The following UGT2B10 variants were observed in gnomAD, a reference collection of about 807,000 sequenced individuals.
UGT2B10 encodes UDP glucuronosyltransferase family 2 member B10, also known as UDP-glucuronosyltransferase 2B10.
In UGT2B10, 51 loss-of-function variants were observed where a neutral mutation model predicts 43.7. The ratio of observed to expected loss-of-function variants is 1.17; its 90% confidence interval spans 0.93 to 1.47. The LOEUF is 1.47. Ranked by LOEUF, UGT2B10 falls within the 40% of genes most tolerant of loss-of-function variation. The pLI, the probability that UGT2B10 is intolerant of heterozygous loss-of-function variation, is 0.00. For missense variants in UGT2B10, 696 were observed against 617.7 expected (o/e 1.13, Z -1.34); for synonymous variants, 225 against 209.0 (o/e 1.08, Z -0.66).
rs1738034121 is a variant in UGT2B10 at position 68,830,537 on chromosome 4, A to T, written c.1308-63A>T. On this transcript the variant is annotated intron_variant, in intron 5 of 5. Coordinates refer to ENST00000265403, the MANE Select transcript of UGT2B10 (RefSeq NM_001075.6). Reference sequence around the variant, plus strand: ...TTGACACTTTAAAAGCCTTTCATAGACTTGATATCTACAGGCAAATTAACT... The same window carrying T: ...TTGACACTTTAAAAGCCTTTCATAGTCTTGATATCTACAGGCAAATTAACT... The T allele has an allele frequency of 7.2e-6, 11 of 1,522,228 alleles. No homozygotes were observed. In the African/African-American group the frequency reaches 1.3e-4, roughly 17 times the overall value. 94.3% of individuals were successfully genotyped at this position (1,522,228 alleles called of 1,614,324 possible). A position where few individuals can be genotyped will look rare whatever the true frequency, so the allele number is the denominator to read the frequency against.
chr4:68,824,914 G>A (rs1026598449), intron 3 of UGT2B10, among the ~76,000 whole-genome samples: 14 of 151,952 alleles, frequency 9.2e-5, no homozygotes, highest in Non-Finnish European at 1.8e-4. Context: ...TCCAAAATTA[G>A]CAATACTGGT....
intron 3 of UGT2B10, among the ~76,000 whole-genome samples, chr4:68,823,940 A>T (rs570389787): frequency 5.9e-5 from 9 of 152,274 alleles, no homozygotes; most frequent in Admixed American, 2.6e-4. Context: ...GTTATCACCA[A>T]ATTCTGCCCC....
chr4:68,820,000 T>C (rs1036469274), intron 2 of UGT2B10, among the ~76,000 whole-genome samples: 6 of 152,020 alleles, frequency 3.9e-5, no homozygotes, highest in African/African-American at 1.4e-4. Flanking sequence ...ATAGGCTTTA[T>C]AGAGTCAGTT....
intron 2 of UGT2B10, among the ~76,000 whole-genome samples, chr4:68,821,288 A>C (rs1737480913): frequency 6.6e-6 from 1 of 152,152 alleles, no homozygotes; most frequent in Non-Finnish European, 1.5e-5. Flanking sequence ...ATTCTCAATC[A>C]ATTGCAGCCA....
chr4:68,828,574 T>G (rs1737920148), intron 5 of UGT2B10, among the ~76,000 whole-genome samples: 1 of 151,972 alleles, frequency 6.6e-6, no homozygotes. Flanking sequence ...TAAATGTGAT[T>G]ATACAAATAC....
chr4:68,824,243 T>A (rs528607935), intron 3 of UGT2B10, among the ~76,000 whole-genome samples: 32 of 152,274 alleles, frequency 2.1e-4, no homozygotes, highest in African/African-American at 7.2e-4. Context: ...CAGGTAGATT[T>A]AGAGAAAGAG....
At chr4:68,821,066 G>A (rs1737469143) in intron 2 of UGT2B10, among the ~76,000 whole-genome samples, 1 of 152,110 alleles carries the variant, frequency 6.6e-6, no homozygotes, top group Non-Finnish European at 1.5e-5. Context: ...CAAGTATTAT[G>A]TGGAATAGTA....
At chr4:68,829,946 C>A (rs1351268807) in intron 5 of UGT2B10, among the ~76,000 whole-genome samples, 1 of 151,976 alleles carries the variant, frequency 6.6e-6, no homozygotes, top group African/African-American at 2.4e-5. Flanking sequence ...AGTTGCAAAA[C>A]ATCATTCTGG....
At position 68,831,223 on chromosome 4, in the gene UGT2B10, A is replaced by T. The variant is rs373946303; in HGVS notation, c.*344A>T. 5.7e-5 allele frequency: 13 copies of T among 229,554 alleles called. No individual in the cohort carries two copies. The East Asian group carries it at 9.6e-4, about 17-fold the overall frequency. 14.2% of individuals were successfully genotyped at this position (229,554 alleles called of 1,614,324 possible). On this transcript the variant is annotated 3_prime_UTR_variant, in exon 6 of 6. Coordinates refer to ENST00000265403, the MANE Select transcript of UGT2B10 (RefSeq NM_001075.6). ...GTTCTCTCACCTCAGCCCCCCAAGT[A>T]GCTGGGACCATAGGTGCATGTCACC... is the stretch of plus-strand genomic sequence containing the variant.
chr4:68,828,732 C>T (rs187549003), intron 5 of UGT2B10, among the ~76,000 whole-genome samples: 18 of 151,844 alleles, frequency 1.2e-4, no homozygotes, highest in Admixed American at 7.9e-4. Context: ...ATATATGTAT[C>T]GTATATATCA....
chr4:68,819,500 GCAGA>G (rs1232081359), intron 2 of UGT2B10, among the ~76,000 whole-genome samples: 1 of 151,384 alleles, frequency 6.6e-6, no homozygotes, highest in African/African-American at 2.4e-5. Context: ...TCAAATATGT[GCAGA>G]CAAACACAGG....
rs1391969233 is a variant in UGT2B10, at chr4:68,816,334, G to C, written c.315G>C (p.Trp105Cys). Reference sequence around the variant, plus strand: ...CAGAAATTCAAAAAGATACATTTTGGTTACCTTTTTCACAAGAACAAGAAA... The same window carrying C: ...CAGAAATTCAAAAAGATACATTTTGCTTACCTTTTTCACAAGAACAAGAAA... ...RLSEIQKDTFWLPFSQEQEIL... is the reference protein window; with the variant it reads ...RLSEIQKDTFCLPFSQEQEIL... Residue 105 changes from tryptophan (W) to cysteine (C), a missense_variant, in exon 1 of 6, where the codon TGG becomes TGC. Transcript: ENST00000265403. 1 of 1,613,000 alleles carries C rather than the reference G, an allele frequency of 6.2e-7. No individual in the cohort carries two copies. Among genetic ancestry groups the C allele is most frequent in the Non-Finnish European group, 8.5e-7 (1 of 1,179,364 alleles).
chr4:68,820,931 G>C (rs906635333), intron 2 of UGT2B10, among the ~76,000 whole-genome samples: 7 of 152,196 alleles, frequency 4.6e-5, no homozygotes, highest in Non-Finnish European at 1.0e-4. Flanking sequence ...ACAGAGGTTA[G>C]ATTCCTTCAA....
intron 3 of UGT2B10, among the ~76,000 whole-genome samples, chr4:68,822,943 C>T (rs1737584414): frequency 6.6e-6 from 1 of 152,118 alleles, no homozygotes; most frequent in South Asian, 2.1e-4. Flanking sequence ...TCTTGGGCCA[C>T]CTCTATTACT....
intron 3 of UGT2B10, among the ~76,000 whole-genome samples, chr4:68,826,179 A>C (rs1386126663): frequency 3.9e-5 from 6 of 152,060 alleles, no homozygotes; most frequent in Non-Finnish European, 7.4e-5. Context: ...TGAACTTTTC[A>C]TTGATAATCT....
At chr4:68,830,119 A>G (rs1288974566) in intron 5 of UGT2B10, among the ~76,000 whole-genome samples, 2 of 152,098 alleles carry the variant, frequency 1.3e-5, no homozygotes, top group African/African-American at 4.8e-5. Context: ...AAAATGGCTC[A>G]TGATGTTGAG....
intron 5 of UGT2B10, among the ~76,000 whole-genome samples, chr4:68,828,528 C>G (rs1737918180): frequency 6.6e-6 from 1 of 151,504 alleles, no homozygotes; most frequent in Admixed American, 6.6e-5. Context: ...CCAACTTGGA[C>G]AAATAGAAAA....
At chr4:68,826,278 T>C (rs1331507532) in intron 3 of UGT2B10, 132 bp from the exon 4 acceptor site, 1 of 967,408 alleles carries the variant, frequency 1.0e-6, no homozygotes, top group Non-Finnish European at 1.5e-6. Context: ...GTGGTTATTC[T>C]TTTTGCATCA....
In UGT2B10 at chr4:68,816,092, G is replaced by A. The variant is rs373198156; in HGVS notation, c.73G>A (p.Val25Met). 28 of 1,613,106 alleles carry A rather than the reference G, an allele frequency of 1.7e-5. No homozygotes were observed. In the African/African-American group the frequency reaches 3.3e-4, roughly 19 times the overall value. Residue 25 changes from valine (V) to methionine (M), a missense_variant, in exon 1 of 6, where the codon GTG becomes ATG. By Grantham distance (21) the Val-to-Met change is conservative. Transcript: ENST00000265403. Reference protein sequence around the residue: ...FYFSSGSCGKVLVWAAEYSLW... With the variant: ...FYFSSGSCGKMLVWAAEYSLW... Reference sequence around the variant, plus strand: ...CTTTAGCTCTGGGAGTTGTGGAAAGGTGCTGGTATGGGCCGCAGAATACAG... The same window carrying A: ...CTTTAGCTCTGGGAGTTGTGGAAAGATGCTGGTATGGGCCGCAGAATACAG...
Sources: gnomAD v4.1 joint callset for allele counts (sites outside exome capture counted in the v4.1 genomes callset) on GRCh38, gnomAD v4.1.1 for gene constraint, MANE v1.5 for transcripts, NCBI Gene and HGNC (gene_info 2026-07-23, HGNC 2026-07-21) for gene names.